The following PACRG variants were observed in gnomAD, a reference collection of about 807,000 sequenced individuals.
PACRG encodes the protein parkin coregulated.
Under a neutral mutation model 29.7 loss-of-function variants are expected in PACRG, and 29 were observed. That is an observed-to-expected ratio of 0.98 (90% confidence interval 0.73 to 1.33). The LOEUF is 1.33. Ranked by LOEUF, PACRG falls within the 40% of genes most tolerant of loss-of-function variation. The probability of loss-of-function intolerance (pLI) is 0.00; values close to 1 mark genes in which losing one functional copy is unlikely to be tolerated. For missense variants in PACRG, 279 were observed against 316.2 expected (o/e 0.88, Z 0.89); for synonymous variants, 116 against 118.7 (o/e 0.98, Z 0.15).
At chr6:163,252,279 C>T (rs915302195) in intron 4 of PACRG, among the ~76,000 whole-genome samples, 16 of 152,280 alleles carry the variant, frequency 1.1e-4, no homozygotes, top group East Asian at 1.9e-4. Flanking sequence ...GCATCGCTGA[C>T]GCTCGGCCAG....
At chr6:162,925,798 G>C (rs528678869) in intron 2 of PACRG, among the ~76,000 whole-genome samples, 1 of 152,096 alleles carries the variant, frequency 6.6e-6, no homozygotes, top group Non-Finnish European at 1.5e-5. Context: ...AGTATTGGAA[G>C]TTCTGGCCAG....
At chr6:163,240,182 T>A (rs1306666131) in intron 4 of PACRG, among the ~76,000 whole-genome samples, 1 of 151,754 alleles carries the variant, frequency 6.6e-6, no homozygotes. Flanking sequence ...CACCTGTGCC[T>A]CCGCCGGGCC....
At chr6:162,889,896 A>T (rs528950366) in intron 2 of PACRG, among the ~76,000 whole-genome samples, 1 of 152,378 alleles carries the variant, frequency 6.6e-6, no homozygotes, top group African/African-American at 2.4e-5. Flanking sequence ...ATTTTAGCAC[A>T]ATCTCCTGTA....
At chr6:162,780,254 G>A (rs1404142451) in intron 1 of PACRG, among the ~76,000 whole-genome samples, 1 of 152,120 alleles carries the variant, frequency 6.6e-6, no homozygotes, top group Non-Finnish European at 1.5e-5. Flanking sequence ...TTCTAAAAAG[G>A]ATCCTCCCAC....
chr6:163,255,070 T>G (rs1352733160), intron 4 of PACRG, among the ~76,000 whole-genome samples: 5 of 152,186 alleles, frequency 3.3e-5, no homozygotes, highest in Non-Finnish European at 7.3e-5. Context: ...AACCTGGACT[T>G]AGACCCATCA....
chr6:162,773,413 TA>T (rs1783375981), intron 1 of PACRG, among the ~76,000 whole-genome samples: 1 of 150,000 alleles, frequency 6.7e-6, no homozygotes, highest in African/African-American at 2.5e-5. Context: ...TAGATATTAA[TA>T]ATACTAGATA....
intron 1 of PACRG, among the ~76,000 whole-genome samples, chr6:162,743,989 A>T (rs1221119246): frequency 1.3e-5 from 2 of 152,122 alleles, no homozygotes; most frequent in African/African-American, 4.8e-5. Context: ...TATTTAAAAG[A>T]TATGTAATTG....
intron 2 of PACRG, among the ~76,000 whole-genome samples, chr6:163,023,279 C>T (rs941290782): frequency 2.6e-5 from 4 of 152,164 alleles, no homozygotes; most frequent in East Asian, 1.9e-4. Context: ...TTCATGTCCA[C>T]GTGTGCTCAG....
At chr6:163,168,603 G>A (rs1585288579) in intron 4 of PACRG, among the ~76,000 whole-genome samples, 1 of 152,262 alleles carries the variant, frequency 6.6e-6, no homozygotes. Context: ...ATAATTAGTT[G>A]AAAATGTTAC....
At chr6:162,804,817 A>C (rs1786181041) in intron 1 of PACRG, among the ~76,000 whole-genome samples, 1 of 152,198 alleles carries the variant, frequency 6.6e-6, no homozygotes, top group African/African-American at 2.4e-5. Flanking sequence ...AATATATTGA[A>C]TATTTATTGA....
intron 2 of PACRG, among the ~76,000 whole-genome samples, chr6:162,867,393 A>G (rs1303559918): frequency 6.6e-6 from 1 of 151,996 alleles, no homozygotes; most frequent in African/African-American, 2.4e-5. Context: ...CTGGTAACAG[A>G]TGTGAGACTT....
chr6:163,017,746 T>G (rs1806241970), intron 2 of PACRG, among the ~76,000 whole-genome samples: 2 of 152,178 alleles, frequency 1.3e-5, no homozygotes. Flanking sequence ...CAGAGGACAA[T>G]ATGTAATTTA....
intron 3 of PACRG, among the ~76,000 whole-genome samples, chr6:163,065,222 A>C (rs2128269724): frequency 6.6e-6 from 1 of 152,252 alleles, no homozygotes; most frequent in African/African-American, 2.4e-5. Context: ...AAACTCCAAA[A>C]TCATGCTGAC....
intron 4 of PACRG, among the ~76,000 whole-genome samples, chr6:163,165,174 G>C (rs966095419): frequency 6.6e-6 from 1 of 152,234 alleles, no homozygotes; most frequent in African/African-American, 2.4e-5. Context: ...CTTTAGAAAG[G>C]TCTGATGAAG....
chr6:162,906,596 G>C (rs1031159043), intron 2 of PACRG, among the ~76,000 whole-genome samples: 7 of 152,188 alleles, frequency 4.6e-5, no homozygotes, highest in Non-Finnish European at 8.8e-5. Context: ...ATATGCCTTT[G>C]ATGGAGTTTT....
At chr6:163,054,925 C>A (rs942944571) in intron 2 of PACRG, among the ~76,000 whole-genome samples, 25 of 152,264 alleles carry the variant, frequency 1.6e-4, no homozygotes, top group African/African-American at 6.0e-4. Flanking sequence ...GAGGTCAGGC[C>A]AGGCCAGGGA....
chr6:162,885,640 A>G (rs1046390236), intron 2 of PACRG, among the ~76,000 whole-genome samples: 5 of 152,186 alleles, frequency 3.3e-5, no homozygotes, highest in African/African-American at 1.2e-4. Flanking sequence ...TGAAAATGTG[A>G]TCAGAGGTTT....
intron 4 of PACRG, among the ~76,000 whole-genome samples, chr6:163,157,785 A>G (rs1443417349): frequency 2.0e-5 from 3 of 152,200 alleles, no homozygotes; most frequent in Non-Finnish European, 4.4e-5. Context: ...CTTATGTTCT[A>G]TTCCCCACCG....
chr6:162,929,791 G>C (rs1364133896), intron 2 of PACRG, among the ~76,000 whole-genome samples: 1 of 151,862 alleles, frequency 6.6e-6, no homozygotes, highest in African/African-American at 2.4e-5. Flanking sequence ...TCATTCTTCT[G>C]CACACACATG....
Sources: allele counts gnomAD v4.1 joint callset (sites outside exome capture counted in the v4.1 genomes callset), GRCh38; gene constraint gnomAD v4.1.1; transcripts MANE v1.5; gene names NCBI Gene and HGNC (gene_info 2026-07-23, HGNC 2026-07-21).